The following C22orf42 variants were observed in gnomAD, a reference collection of about 807,000 sequenced individuals.
The protein encoded by C22orf42 is uncharacterized protein C22orf42.
Under a neutral mutation model 31.4 loss-of-function variants are expected in C22orf42, and 24 were observed. That is an observed-to-expected ratio of 0.77 (90% CI 0.55 to 1.08). The LOEUF (loss-of-function observed/expected upper bound fraction) is 1.08, where lower values mean the gene tolerates loss of function less well. Ranked by LOEUF, C22orf42 falls within the 50% of genes least tolerant of loss-of-function variation. The probability of loss-of-function intolerance (pLI) is 0.00; values close to 1 mark genes in which losing one functional copy is unlikely to be tolerated. For missense variants in C22orf42, 276 were observed against 327.3 expected (o/e 0.84, Z 1.21); for synonymous variants, 96 against 112.7 (o/e 0.85, Z 0.94).
At chr22:32,151,410 T>C (rs980706985) in intron 5 of C22orf42, 77 bp downstream of exon 5, 1 of 1,428,424 alleles carries the variant, frequency 7.0e-7, no homozygotes. Context: ...CAGTCAAAAA[T>C]GATATTCATT....
intron 1 of C22orf42, among the ~76,000 whole-genome samples, chr22:32,155,274 A>G (rs1178219388): frequency 2.6e-4 from 39 of 152,150 alleles, no homozygotes; most frequent in Admixed American, 2.6e-3. Flanking sequence ...GGCTTACTGC[A>G]TTTACTCACC....
chr22:32,160,301 G>A (rs929507551), upstream of C22orf42: 7 of 152,142 alleles, frequency 4.6e-5, no homozygotes, highest in African/African-American at 1.7e-4. Flanking sequence ...TTGTAGATTA[G>A]TATTTTTTTT....
intron 1 of C22orf42, 108 bp downstream of exon 1, chr22:32,158,872 AGGAG>A: frequency 8.3e-7 from 1 of 1,206,044 alleles, no homozygotes; most frequent in South Asian, 1.4e-5. Context: ...GGCTATGGGC[AGGAG>A]GGAGCTGGAA....
At chr22:32,149,924 T>C (rs1405523062) in intron 7 of C22orf42, 144 bp from the exon 8 acceptor site, 10 of 612,022 alleles carry the variant, frequency 1.6e-5, no homozygotes, top group Non-Finnish European at 2.4e-5. Context: ...GCATAGACGA[T>C]GTGTGTGGAA....
At position 32,149,765 on chromosome 22, in the gene C22orf42, C is replaced by T; in HGVS notation, c.670G>A (p.Glu224Lys). 2 of 1,474,516 alleles carry T rather than the reference C, an allele frequency of 1.4e-6. No individual in the cohort carries two copies. Among genetic ancestry groups the T allele is most frequent in the South Asian group, 1.5e-5 (1 of 67,106 alleles). The allele number at this position is 1,474,516 out of a possible 1,614,324, so 91.3% of individuals were successfully genotyped here. A position where few individuals can be genotyped will look rare whatever the true frequency, so the allele number is the denominator to read the frequency against. ...MTPEMAKERYEDYLCWVKMAR... is the reference protein window; with the variant it reads ...MTPEMAKERYKDYLCWVKMAR... ...TATATATACTTACAGAGGTAATCTT[C>T]ATATCTCTCCTTTGCCTGCAATAGG... Residue 224 changes from glutamate (E) to lysine (K), a missense_variant, in exon 8 of 9, where the codon GAA (glutamate) becomes AAA (lysine). Coordinates refer to ENST00000382097, the MANE Select transcript of C22orf42 (RefSeq NM_001010859.3).
chr22:32,153,375 T>C (rs545429796), intron 2 of C22orf42, among the ~76,000 whole-genome samples: 3 of 152,292 alleles, frequency 2.0e-5, no homozygotes, highest in Admixed American at 2.0e-4. Flanking sequence ...AGTGTACTAA[T>C]AATATCTGTT....
chr22:32,152,288 A>G (rs560044628), intron 3 of C22orf42, among the ~76,000 whole-genome samples, 194 bp from the exon 4 acceptor site: 2 of 152,300 alleles, frequency 1.3e-5, no homozygotes, highest in Admixed American at 6.5e-5. Context: ...TAGCAAGTCT[A>G]TGTTGGCTGG....
chr22:32,154,241 T>C lies in C22orf42; in HGVS notation c.307+3A>G. ...GAACTTAATGATTTAATTTCCACAT[T>C]ACCTATATTTTCTAGAGGCCAAATC... is the stretch of plus-strand genomic sequence containing the variant. On this transcript the variant is annotated splice_donor_region_variant and intron_variant, in intron 2 of 8. Coordinates refer to ENST00000382097, the MANE Select transcript of C22orf42 (RefSeq NM_001010859.3). 6.2e-7 allele frequency: 1 copy of C among 1,606,956 alleles called. No individual in the cohort carries two copies. Among genetic ancestry groups the C allele is most frequent in the Admixed American group, 1.7e-5 (1 of 57,884 alleles).
chr22:32,149,222 A>G lies in C22orf42; in HGVS notation c.*318T>C, dbSNP rs987338480. The G allele has an allele frequency of 2.0e-4, 36 of 178,758 alleles. No homozygotes were observed. Among genetic ancestry groups the G allele is most frequent in the Non-Finnish European group, 3.7e-4 (31 of 84,770 alleles). The allele number at this position is 178,758 out of a possible 1,614,324, so 11.1% of individuals were successfully genotyped here. A position where few individuals can be genotyped will look rare whatever the true frequency, so the allele number is the denominator to read the frequency against. The stretch of plus-strand genomic sequence containing the variant: ...TCTTCCTTATCCAGGAAATACAGAA[A>G]TATATGGATTCACTGTAGAAGCTGG... On this transcript the variant is annotated 3_prime_UTR_variant, in exon 9 of 9. Transcript: ENST00000382097.
intron 2 of C22orf42, among the ~76,000 whole-genome samples, 154 bp downstream of exon 2, chr22:32,154,090 C>A (rs1426368556): frequency 6.6e-6 from 1 of 152,058 alleles, no homozygotes; most frequent in Non-Finnish European, 1.5e-5. Flanking sequence ...GTAGTTGTAT[C>A]ATCTACCATT....
chr22:32,157,847 C>G (rs1921347108), intron 1 of C22orf42, among the ~76,000 whole-genome samples: 1 of 152,298 alleles, frequency 6.6e-6, no homozygotes, highest in South Asian at 2.1e-4. Flanking sequence ...ACAGACCCAC[C>G]CAATGGCTCA....
rs570229719 is a variant in C22orf42, at chr22:32,151,128, A to C, written c.466-109T>G. The C allele has an allele frequency of 2.1e-5, 23 of 1,120,378 alleles. No homozygotes were observed. The African/African-American group carries it at 3.6e-4, about 18-fold the overall frequency. The allele number at this position is 1,120,378 out of a possible 1,614,324, so 69.4% of individuals were successfully genotyped here. ...TGAAATAAAAAACCGGATGTGAAAC[A>C]GTGATCAAGTCACTGGCCCCCAAAT... On this transcript the variant is annotated intron_variant, in intron 5 of 8. Coordinates refer to ENST00000382097, the MANE Select transcript of C22orf42 (RefSeq NM_001010859.3).
chr22:32,155,666 T>G (rs2149513548), intron 1 of C22orf42, among the ~76,000 whole-genome samples: 1 of 152,010 alleles, frequency 6.6e-6, no homozygotes, highest in East Asian at 1.9e-4. Flanking sequence ...CTGTGACATT[T>G]GATATATCAT....
intron 4 of C22orf42, 44 bp downstream of exon 4, chr22:32,152,023 G>A (rs748912944): frequency 6.4e-7 from 1 of 1,562,244 alleles, no homozygotes; most frequent in Non-Finnish European, 8.7e-7. Context: ...TGTTTTGCAT[G>A]TCAACTACAT....
intron 2 of C22orf42, among the ~76,000 whole-genome samples, chr22:32,152,895 A>T (rs1220820995): frequency 6.6e-6 from 1 of 152,194 alleles, no homozygotes; most frequent in Non-Finnish European, 1.5e-5. Flanking sequence ...TGTATGGTTC[A>T]GCGACAGCAT....
Position 32,159,063 on chromosome 22 carries a change from C to T in C22orf42, c.153G>A (p.Leu51=), listed in dbSNP as rs537399401. Residue 51 remains leucine (L), a synonymous_variant, in exon 1 of 9, where the codon TTG becomes TTA. Transcript: ENST00000382097. ...GTTGGGCCTTCTTAGCTTTCAAATC[C>T]AATTTGGCAGGCTTTGCAGTGGTGG... ...PASTTAKPAK[L]DLKAKKAQLM... 1.2e-4 allele frequency: 197 copies of T among 1,614,190 alleles called. No homozygotes were observed. The South Asian group carries it at 2.0e-3, about 17-fold the overall frequency.
upstream of C22orf42, chr22:32,159,993 A>C (rs1921504316): frequency 6.6e-6 from 1 of 152,248 alleles, no homozygotes; most frequent in African/African-American, 2.4e-5. Context: ...TTTTTCTTAC[A>C]CAAAATTGAA....
chr22:32,157,327 A>T (rs1409703224), intron 1 of C22orf42, among the ~76,000 whole-genome samples: 1 of 152,052 alleles, frequency 6.6e-6, no homozygotes, highest in Non-Finnish European at 1.5e-5. Flanking sequence ...TTGGAGGATT[A>T]ACAGTAATCC....
In C22orf42 at chr22:32,159,037, AGTT is replaced by A. The variant is rs771656766; in HGVS notation, c.176_178del (p.Gln59del). On this transcript the variant is annotated inframe_deletion, in exon 1 of 9. Transcript: ENST00000382097. ...CTTCGGGAGGCTGAGGTACTGCATGAGTTGGGCCTTCTTAGCTTTCAAATCCAA... is the reference window on the plus strand; with the variant it reads ...CTTCGGGAGGCTGAGGTACTGCATGAGGGCCTTCTTAGCTTTCAAATCCAA... 1.2e-6 allele frequency: 2 copies of A among 1,614,144 alleles called. No individual in the cohort carries two copies. The highest frequency in any genetic ancestry group is 8.5e-7 in the Non-Finnish European group (1 of 1,180,016).
Sources: gnomAD v4.1 joint callset for allele counts (sites outside exome capture counted in the v4.1 genomes callset) on GRCh38, gnomAD v4.1.1 for gene constraint, MANE v1.5 for transcripts, NCBI Gene and HGNC (gene_info 2026-07-23, HGNC 2026-07-21) for gene names.